Variants in TVP23B observed in about 807,000 individuals in gnomAD.
TVP23B encodes the protein Golgi apparatus membrane protein TVP23 homolog B.
A neutral mutation model predicts 30.6 loss-of-function variants in TVP23B; 10 were observed. The observed-to-expected ratio is 0.33, with a 90% CI of 0.20 to 0.55. The LOEUF is 0.55. Ranked by LOEUF, TVP23B falls within the 20% of genes least tolerant of loss-of-function variation. The probability of loss-of-function intolerance (pLI) is 0.91; values close to 1 mark genes in which losing one functional copy is unlikely to be tolerated. For synonymous variants in TVP23B, 67 were observed against 83.1 expected (o/e 0.81, Z 1.06); for missense variants, 153 against 243.2 (o/e 0.63, Z 2.47).
At chr17:18,805,302 T>G (rs1195714713) in intron 6 of TVP23B, among the ~76,000 whole-genome samples, 1 of 151,896 alleles carries the variant, frequency 6.6e-6, no homozygotes, top group Non-Finnish European at 1.5e-5. Context: ...GCCAGGATGG[T>G]CTCGATCTCC....
At chr17:18,782,610 A>G (rs2035825085) in intron 1 of TVP23B, 3 of 152,292 alleles carry the variant, frequency 2.0e-5, no homozygotes, top group Non-Finnish European at 2.9e-5. Context: ...TGGCTACTCC[A>G]TAGAGCAACC....
chr17:18,798,443 A>G (rs891176246), intron 4 of TVP23B, among the ~76,000 whole-genome samples: 1 of 149,482 alleles, frequency 6.7e-6, no homozygotes, highest in African/African-American at 2.5e-5. Flanking sequence ...TTGACCTTTT[A>G]GTCTCCAGAA....
At chr17:18,783,075 CTATT>C (rs201067902) in intron 1 of TVP23B, among the ~76,000 whole-genome samples, 1 of 77,260 alleles carries the variant, frequency 1.3e-5, no homozygotes, top group Non-Finnish European at 3.1e-5. Flanking sequence ...ACTGTTCCCA[CTATT>C]TATTTATTTA....
At chr17:18,802,594 T>C (rs1231063001) in intron 5 of TVP23B, among the ~76,000 whole-genome samples, 1 of 152,074 alleles carries the variant, frequency 6.6e-6, no homozygotes, top group African/African-American at 2.4e-5. Context: ...TGCTCCAACC[T>C]GGCTCTTTCT....
intron 1 of TVP23B, among the ~76,000 whole-genome samples, chr17:18,785,379 A>G (rs1597613577): frequency 9.5e-6 from 1 of 104,966 alleles, no homozygotes; most frequent in South Asian, 3.1e-4. Flanking sequence ...GTGCAGAGCT[A>G]TTTGTCTTTT....
rs773519045 is a variant in TVP23B, at chr17:18,790,882, G to A, written c.96-14G>A. 5 of 1,602,232 alleles carry A rather than the reference G, an allele frequency of 3.1e-6. No individual in the cohort carries two copies. The highest frequency in any genetic ancestry group is 2.3e-5 in the South Asian group (2 of 88,618). Reference sequence around the variant, plus strand: ...AATGTAATTGCATTTCTTTCATTGTGTTTTGGTTTTCAGACATCCAGTAGC... The same window carrying A: ...AATGTAATTGCATTTCTTTCATTGTATTTTGGTTTTCAGACATCCAGTAGC... On this transcript the variant is annotated splice_polypyrimidine_tract_variant and intron_variant, in intron 2 of 6. Coordinates refer to ENST00000307767, the MANE Select transcript of TVP23B (RefSeq NM_016078.6).
chr17:18,804,653 A>G (rs2036220903), intron 6 of TVP23B: 1 of 1,020,264 alleles, frequency 9.8e-7, no homozygotes, highest in Non-Finnish European at 1.2e-6. Flanking sequence ...CAGTGGTGCA[A>G]TCTTGGCTCA....
In TVP23B at chr17:18,798,826, G is replaced by C. The variant is rs759295303; in HGVS notation, c.345G>C (p.Glu115Asp). Residue 115 changes from glutamate to aspartate, a missense_variant, in exon 5 of 7, where the codon GAG (glutamate) becomes GAC (aspartate). Around this residue, in one of 3 missense-constraint regions of TVP23B, gnomAD observed 53 missense variants for 128.0 expected, o/e 0.41. Transcript: ENST00000307767. ...TTCTTTTATAGGAGTCCTCTCAAGA[G>C]AATAAAACTGTGTCAGAGGCTGAAT... is the stretch of plus-strand genomic sequence containing the variant. ...VFESRKESSQ[E>D]NKTVSEAESR... The C allele has an allele frequency of 1.7e-5, 28 of 1,613,338 alleles. 1 individual carries two copies. In the South Asian group the frequency reaches 2.7e-4, roughly 16 times the overall value.
chr17:18,793,790 T>C (rs1159635116), intron 3 of TVP23B, among the ~76,000 whole-genome samples: 1 of 152,038 alleles, frequency 6.6e-6, no homozygotes, highest in Non-Finnish European at 1.5e-5. Flanking sequence ...TTCATTATAA[T>C]AGGAAATGTA....
At chr17:18,791,994 A>C (rs1302397170) in intron 3 of TVP23B, among the ~76,000 whole-genome samples, 2 of 152,110 alleles carry the variant, frequency 1.3e-5, no homozygotes, top group African/African-American at 4.8e-5. Context: ...AGATGTTACA[A>C]CCCTATTCAC....
chr17:18,800,821 G>A (rs994609825), intron 5 of TVP23B, among the ~76,000 whole-genome samples: 5 of 152,154 alleles, frequency 3.3e-5, no homozygotes, highest in South Asian at 2.1e-4. Context: ...TACCAGTTAC[G>A]TTTATGTTGG....
intron 5 of TVP23B, among the ~76,000 whole-genome samples, chr17:18,799,446 C>T (rs1383274606): frequency 6.6e-6 from 1 of 151,996 alleles, no homozygotes; most frequent in African/African-American, 2.4e-5. Flanking sequence ...GCATGGTGGC[C>T]TCATGGTGGT....
intron 3 of TVP23B, among the ~76,000 whole-genome samples, chr17:18,795,303 A>G (rs1350772425): frequency 6.6e-6 from 1 of 152,076 alleles, no homozygotes; most frequent in Non-Finnish European, 1.5e-5. Context: ...CATGTGTAAA[A>G]TACTACTTGT....
At chr17:18,781,617 G>A (rs1291107061) in intron 1 of TVP23B, 9 of 410,536 alleles carry the variant, frequency 2.2e-5, no homozygotes, top group Non-Finnish European at 3.9e-5. Flanking sequence ...GAGGAGGAGC[G>A]GCCTGCGGGC....
At chr17:18,781,389 C>A (rs1267239008) in intron 1 of TVP23B, 84 bp downstream of exon 1, 3 of 1,532,904 alleles carry the variant, frequency 2.0e-6, no homozygotes, top group East Asian at 2.5e-5. Flanking sequence ...CCGCGTCCCC[C>A]GCGCCCGCTA....
intron 3 of TVP23B, chr17:18,797,270 AT>A (rs1387328824): frequency 3.4e-6 from 1 of 297,142 alleles, no homozygotes; most frequent in African/African-American, 2.2e-5. Context: ...CAGTAACCAA[AT>A]AGCAAGGGGT....
intron 5 of TVP23B, among the ~76,000 whole-genome samples, chr17:18,802,073 T>A (rs1456736451): frequency 6.6e-6 from 1 of 151,860 alleles, no homozygotes; most frequent in Non-Finnish European, 1.5e-5. Flanking sequence ...ATACAAAAAA[T>A]TAGCCGGGTG....
intron 5 of TVP23B, among the ~76,000 whole-genome samples, chr17:18,799,544 C>T (rs1225365056): frequency 2.6e-5 from 4 of 152,142 alleles, no homozygotes; most frequent in Admixed American, 6.5e-5. Flanking sequence ...GTCATAGCAT[C>T]GCTTCTGCTG....
chr17:18,802,434 T>C (rs572487542), intron 5 of TVP23B, among the ~76,000 whole-genome samples: 2 of 152,022 alleles, frequency 1.3e-5, no homozygotes, highest in Non-Finnish European at 2.9e-5. Context: ...CCTGCCTGTT[T>C]GGGTCATTGT....
Sources: allele counts gnomAD v4.1 joint callset (sites outside exome capture counted in the v4.1 genomes callset), GRCh38; gene constraint gnomAD v4.1.1; regional missense constraint gnomAD v4.1.1; transcripts MANE v1.5; gene names NCBI Gene and HGNC (gene_info 2026-07-23, HGNC 2026-07-21).